AGBL4: variants seen among roughly 807,000 people sequenced by gnomAD.
The protein encoded by AGBL4 is cytosolic carboxypeptidase 6.
Under a neutral mutation model 66.4 loss-of-function variants are expected in AGBL4, and 58 were observed. The ratio of observed to expected loss-of-function variants is 0.87; its 90% confidence interval spans 0.71 to 1.09. The LOEUF (loss-of-function observed/expected upper bound fraction) is 1.09. Among genes scored for constraint, AGBL4 ranks in the 50% least tolerant of loss-of-function variants. The pLI is 0.00. For synonymous variants in AGBL4, 234 were observed against 222.9 expected (o/e 1.05, Z -0.44); for missense variants, 579 against 631.0 (o/e 0.92, Z 0.88).
chr1:49,735,769 A>G (rs1386487944), intron 2 of AGBL4, among the ~76,000 whole-genome samples: 2 of 152,250 alleles, frequency 1.3e-5, no homozygotes, highest in Non-Finnish European at 2.9e-5. Context: ...AAAAGTAATA[A>G]CTGGATTTCA....
At chr1:49,358,405 C>T (rs1409060071) in intron 3 of AGBL4, among the ~76,000 whole-genome samples, 1 of 149,056 alleles carries the variant, frequency 6.7e-6, no homozygotes, top group Non-Finnish European at 1.5e-5. Flanking sequence ...TATATAAGCA[C>T]CAGAAAAAAA....
intron 9 of AGBL4, among the ~76,000 whole-genome samples, chr1:48,608,644 T>G (rs1435621160): frequency 6.6e-6 from 1 of 152,090 alleles, no homozygotes; most frequent in Non-Finnish European, 1.5e-5. Flanking sequence ...AAGCAGTAAG[T>G]TAGAAACACA....
chr1:49,968,949 G>A (rs1402495243), intron 1 of AGBL4, among the ~76,000 whole-genome samples: 1 of 152,202 alleles, frequency 6.6e-6, no homozygotes, highest in Non-Finnish European at 1.5e-5. Context: ...CCATTGTTAT[G>A]TTAAGGTTTT....
intron 5 of AGBL4, among the ~76,000 whole-genome samples, chr1:48,923,612 A>G (rs555773457): frequency 6.6e-6 from 1 of 152,348 alleles, no homozygotes; most frequent in African/African-American, 2.4e-5. Flanking sequence ...GTTTTCGTTT[A>G]GATTTAGAAC....
At chr1:48,584,503 G>A (rs1349813949) in intron 11 of AGBL4, 1 of 152,198 alleles carries the variant, frequency 6.6e-6, no homozygotes, top group Non-Finnish European at 1.5e-5. Context: ...GGATCACGAG[G>A]TCAGAAGTTT....
intron 1 of AGBL4, among the ~76,000 whole-genome samples, chr1:49,896,856 A>G (rs1557558360): frequency 6.6e-6 from 1 of 152,012 alleles, no homozygotes; most frequent in African/African-American, 2.4e-5. Context: ...AAGGACAAAA[A>G]CCATATGATC....
intron 3 of AGBL4, among the ~76,000 whole-genome samples, chr1:49,259,286 G>T (rs1055287444): frequency 6.6e-5 from 10 of 151,692 alleles, no homozygotes; most frequent in African/African-American, 2.4e-4. Flanking sequence ...ATAATGACAG[G>T]ATCAAATTCA....
chr1:49,779,826 C>G (rs192887465), intron 2 of AGBL4, among the ~76,000 whole-genome samples: 2 of 152,176 alleles, frequency 1.3e-5, no homozygotes, highest in East Asian at 3.9e-4. Flanking sequence ...TCACTAACTT[C>G]CAGAAGCTTA....
At chr1:49,706,847 T>C (rs1394761430) in intron 2 of AGBL4, among the ~76,000 whole-genome samples, 2 of 152,152 alleles carry the variant, frequency 1.3e-5, no homozygotes, top group Non-Finnish European at 2.9e-5. Flanking sequence ...CATGTAGTTG[T>C]ATGGTTTTGA....
rs191289334 is a variant in AGBL4 at position 49,390,829 on chromosome 1, T to C, written c.283-144965A>G. Among the ~76,000 whole-genome samples the C allele has an allele frequency of 1.9e-3, 291 of 152,344 alleles. 2 individuals carry two copies. Among genetic ancestry groups the C allele is most frequent in the South Asian group, 0.01 (49 of 4,826 alleles). On this transcript the variant is annotated intron_variant, in intron 3 of 13. Coordinates refer to ENST00000371839, the MANE Select transcript of AGBL4 (RefSeq NM_032785.4). ...AGAGACTCTGACCATTCATTTATTC[T>C]GCAGGCATATGCTAGATCTTTTACT... is the stretch of plus-strand genomic sequence containing the variant.
intron 6 of AGBL4, among the ~76,000 whole-genome samples, chr1:48,812,073 A>T (rs1487524147): frequency 6.6e-6 from 1 of 152,198 alleles, no homozygotes; most frequent in Non-Finnish European, 1.5e-5. Context: ...CACTACCTGA[A>T]GTTGAGACAG....
chr1:49,207,412 C>T (rs1402805999), intron 4 of AGBL4, among the ~76,000 whole-genome samples: 1 of 152,104 alleles, frequency 6.6e-6, no homozygotes, highest in Non-Finnish European at 1.5e-5. Flanking sequence ...GACATACATT[C>T]ACCATTCACT....
intron 4 of AGBL4, among the ~76,000 whole-genome samples, chr1:49,193,784 T>C (rs1426552674): frequency 6.6e-6 from 1 of 152,118 alleles, no homozygotes; most frequent in Non-Finnish European, 1.5e-5. Context: ...CTGCCCGCCT[T>C]GGCCTCCCCA....
intron 2 of AGBL4, among the ~76,000 whole-genome samples, chr1:49,720,435 A>G (rs1357447779): frequency 1.3e-5 from 2 of 152,174 alleles, no homozygotes; most frequent in Non-Finnish European, 2.9e-5. Flanking sequence ...GAAGTTTTAA[A>G]AAGTCCTGTG....
At chr1:48,764,625 T>G (rs539615333) in intron 6 of AGBL4, among the ~76,000 whole-genome samples, 1 of 152,308 alleles carries the variant, frequency 6.6e-6, no homozygotes, top group African/African-American at 2.4e-5. Context: ...GAGCTGAGGC[T>G]CAGTGTGCAG....
At chr1:48,735,310 G>A (rs1648843676) in intron 6 of AGBL4, among the ~76,000 whole-genome samples, 1 of 152,096 alleles carries the variant, frequency 6.6e-6, no homozygotes, top group African/African-American at 2.4e-5. Flanking sequence ...TGAACTCCTT[G>A]CAGATGAAGG....
At chr1:48,911,486 G>C (rs1166737874) in intron 5 of AGBL4, among the ~76,000 whole-genome samples, 1 of 152,022 alleles carries the variant, frequency 6.6e-6, no homozygotes, top group African/African-American at 2.4e-5. Context: ...CAGGCGTGGT[G>C]GTGGGTGCCT....
chr1:48,681,727 G>C (rs1404074508), intron 6 of AGBL4, among the ~76,000 whole-genome samples: 1 of 152,172 alleles, frequency 6.6e-6, no homozygotes, highest in African/African-American at 2.4e-5. Flanking sequence ...AGGGACAGGG[G>C]CTCTCAGCTC....
intron 9 of AGBL4, among the ~76,000 whole-genome samples, chr1:48,611,239 A>G (rs112285739): frequency 6.6e-5 from 10 of 152,330 alleles, no homozygotes; most frequent in African/African-American, 1.4e-4. Flanking sequence ...CTGTGCTTCA[A>G]TGAAGGGTGG....
Sources: gnomAD v4.1 joint callset for allele counts (sites outside exome capture counted in the v4.1 genomes callset) on GRCh38, gnomAD v4.1.1 for gene constraint, MANE v1.5 for transcripts, NCBI Gene and HGNC (gene_info 2026-07-23, HGNC 2026-07-21) for gene names.